PLSCR2: variants seen among roughly 807,000 people sequenced by gnomAD.
The protein encoded by PLSCR2 is PL scramblase 2.
PLSCR2 carries 18 observed loss-of-function variants against 25.3 expected under a neutral mutation model. The ratio of observed to expected loss-of-function variants is 0.71; its 90% CI spans 0.49 to 1.06. The LOEUF (loss-of-function observed/expected upper bound fraction) is 1.06, where lower values mean the gene tolerates loss of function less well. Among genes scored for constraint, PLSCR2 ranks in the 50% least tolerant of loss-of-function variants. The pLI, the probability that PLSCR2 is intolerant of heterozygous loss-of-function variation, is 0.00. For synonymous variants in PLSCR2, 88 were observed against 87.3 expected, an observed-to-expected ratio of 1.01 and a Z score of -0.04; for missense variants, 243 against 269.5, an observed-to-expected ratio of 0.90 and a Z score of 0.69.
At chr3:146,470,872 T>C (rs1172715426) in intron 1 of PLSCR2, among the ~76,000 whole-genome samples, 1 of 152,222 alleles carries the variant, frequency 6.6e-6, no homozygotes, top group Non-Finnish European at 1.5e-5. Flanking sequence ...GCCTGTTTTC[T>C]AATCGGTAAA....
At chr3:146,455,249 C>A in exon 4 of PLSCR2, 2 of 1,611,828 alleles carry the variant, frequency 1.2e-6, no homozygotes, top group South Asian at 2.2e-5. Flanking sequence ...CTCCTGAAGG[C>A]AGCAGGGGCA....
Position 146,406,423 on chromosome 3 carries a change from G to T in PLSCR2, c.101-10502C>A, listed in dbSNP as rs534876291. 1.1e-3 allele frequency among the ~76,000 whole-genome samples: 162 copies of T among 152,182 alleles called. 1 individual carries two copies. Among genetic ancestry groups the T allele is most frequent in the Non-Finnish European group, 1.9e-3 (128 of 68,018 alleles). ...AGATTGTGTTGTTCTTTGTGGGTACGGGCTGGCTCTGGGAACAGTACACAT... is the reference window on the plus strand; with the variant it reads ...AGATTGTGTTGTTCTTTGTGGGTACTGGCTGGCTCTGGGAACAGTACACAT... On this transcript the variant is annotated intron_variant and NMD_transcript_variant, in intron 2 of 3. Coordinates refer to the PLSCR2 transcript ENST00000463633.
intron 1 of PLSCR2, among the ~76,000 whole-genome samples, chr3:146,465,746 G>C (rs1342220944): frequency 6.6e-6 from 1 of 152,194 alleles, no homozygotes; most frequent in African/African-American, 2.4e-5. Flanking sequence ...TGCTATGCCA[G>C]AGGGGAACTG....
intron 2 of PLSCR2, among the ~76,000 whole-genome samples, chr3:146,411,371 A>C (rs1418435895): frequency 6.6e-6 from 1 of 152,122 alleles, no homozygotes; most frequent in Non-Finnish European, 1.5e-5. Context: ...TCTTACCAGA[A>C]TCGAAGTCAA....
intron 8 of PLSCR2, among the ~76,000 whole-genome samples, chr3:146,436,418 C>T (rs2039863445): frequency 6.6e-6 from 1 of 152,116 alleles, no homozygotes; most frequent in Non-Finnish European, 1.5e-5. Flanking sequence ...ATGAAATGTT[C>T]TTCCATTTGT....
chr3:146,394,193 G>A (rs976409873), intron 3 of PLSCR2, among the ~76,000 whole-genome samples: 3 of 151,376 alleles, frequency 2.0e-5, no homozygotes, highest in Non-Finnish European at 4.4e-5. Flanking sequence ...CCATTTTTTG[G>A]TCATTAATTT....
At chr3:146,474,218 T>C (rs1315845720) in intron 1 of PLSCR2, among the ~76,000 whole-genome samples, 1 of 152,234 alleles carries the variant, frequency 6.6e-6, no homozygotes, top group African/African-American at 2.4e-5. Flanking sequence ...TATTTATTTT[T>C]GTTCTTTCCA....
At chr3:146,473,034 G>C (rs1263176121) in intron 1 of PLSCR2, among the ~76,000 whole-genome samples, 1 of 151,992 alleles carries the variant, frequency 6.6e-6, no homozygotes, top group East Asian at 1.9e-4. Flanking sequence ...CCTTAATTTG[G>C]CATCACCAAT....
At chr3:146,478,171 C>T (rs2042990748) in intron 1 of PLSCR2, among the ~76,000 whole-genome samples, 2 of 152,166 alleles carry the variant, frequency 1.3e-5, no homozygotes, top group South Asian at 4.1e-4. Context: ...AAAACCAGAG[C>T]ACCCCTTCTC....
intron 1 of PLSCR2, among the ~76,000 whole-genome samples, chr3:146,490,410 C>G (rs773948881): frequency 2.0e-5 from 3 of 152,160 alleles, no homozygotes; most frequent in East Asian, 3.9e-4. Flanking sequence ...GAAAATGAAG[C>G]ATGCCTCGTA....
intron 2 of PLSCR2, among the ~76,000 whole-genome samples, chr3:146,402,666 C>T (rs1576561598): frequency 6.6e-6 from 1 of 152,020 alleles, no homozygotes; most frequent in Non-Finnish European, 1.5e-5. Context: ...GATGTGATTG[C>T]ACCATATTGG....
At chr3:146,429,020 T>C (rs1024173311), downstream of PLSCR2, among the ~76,000 whole-genome samples, 2 of 152,246 alleles carry the variant, frequency 1.3e-5, no homozygotes, top group Non-Finnish European at 2.9e-5. Context: ...ATTAGATCAC[T>C]AAATCTTCAC....
At chr3:146,485,781 T>G (rs547268549) in intron 1 of PLSCR2, among the ~76,000 whole-genome samples, 1 of 152,236 alleles carries the variant, frequency 6.6e-6, no homozygotes, top group South Asian at 2.1e-4. Context: ...AGAGGTTTAA[T>G]TGGACTTACA....
At chr3:146,477,352 T>C (rs1371205083) in intron 1 of PLSCR2, among the ~76,000 whole-genome samples, 2 of 152,164 alleles carry the variant, frequency 1.3e-5, no homozygotes, top group East Asian at 3.9e-4. Flanking sequence ...CGTGAGAGAC[T>C]GCACCTGGAA....
intron 1 of PLSCR2, among the ~76,000 whole-genome samples, chr3:146,478,363 G>C (rs2042998882): frequency 1.3e-5 from 2 of 152,136 alleles, no homozygotes; most frequent in South Asian, 4.1e-4. Context: ...TAGATGAATG[G>C]CTAACTAGAA....
chr3:146,462,591 G>A (rs975280618), upstream of PLSCR2, among the ~76,000 whole-genome samples: 14 of 151,008 alleles, frequency 9.3e-5, no homozygotes, highest in African/African-American at 2.7e-4. Context: ...TCAGCCTCCC[G>A]AGTAGCTGGG....
intron 5 of PLSCR2, among the ~76,000 whole-genome samples, chr3:146,453,294 A>G (rs978997329): frequency 6.6e-6 from 1 of 152,066 alleles, no homozygotes; most frequent in African/African-American, 2.4e-5. Flanking sequence ...TTGTTGGCCC[A>G]GTTTACTAAA....
intron 1 of PLSCR2, among the ~76,000 whole-genome samples, chr3:146,482,665 T>C (rs902389855): frequency 1.3e-5 from 2 of 152,230 alleles, no homozygotes; most frequent in Non-Finnish European, 2.9e-5. Context: ...GAAAACAGTG[T>C]GGCAATTCCT....
intron 2 of PLSCR2, chr3:146,398,599 T>G (rs1226480731): frequency 2.6e-5 from 4 of 151,278 alleles, no homozygotes; most frequent in Non-Finnish European, 4.4e-5. Context: ...TAATTATATA[T>G]TAAAGAAATC....
Sources: gnomAD v4.1 joint callset for allele counts (sites outside exome capture counted in the v4.1 genomes callset) on GRCh38, gnomAD v4.1.1 for gene constraint, MANE v1.5 for transcripts, NCBI Gene and HGNC (gene_info 2026-07-23, HGNC 2026-07-21) for gene names.